Variants in PCDH9 observed in about 807,000 individuals in gnomAD.
The protein encoded by PCDH9 is protocadherin 9.
A neutral mutation model predicts 70.6 loss-of-function variants in PCDH9; 24 were observed. The observed-to-expected ratio is 0.34, with a 90% CI of 0.25 to 0.48. PCDH9 has a LOEUF of 0.48. Among genes scored for constraint, PCDH9 ranks in the 20% least tolerant of loss-of-function variants. PCDH9 has a pLI of 0.99. For synonymous variants in PCDH9, 562 were observed against 558.5 expected, an observed-to-expected ratio of 1.01 and a Z score of -0.09; for missense variants, 1,281 against 1,503.6, an observed-to-expected ratio of 0.85 and a Z score of 2.45.
intron 4 of PCDH9, among the ~76,000 whole-genome samples, chr13:66,401,931 G>A (rs1411326415): frequency 6.6e-6 from 1 of 152,134 alleles, no homozygotes; most frequent in Non-Finnish European, 1.5e-5. Flanking sequence ...CCCAACAGGT[G>A]ACTAAACAGT....
At chr13:66,499,838 G>C (rs1327476083) in intron 4 of PCDH9, among the ~76,000 whole-genome samples, 3 of 152,184 alleles carry the variant, frequency 2.0e-5, no homozygotes, top group African/African-American at 7.2e-5. Flanking sequence ...CAGGTAATGA[G>C]TGAGTTCTAT....
At chr13:67,029,370 A>T (rs1204197104) in intron 2 of PCDH9, among the ~76,000 whole-genome samples, 1 of 152,304 alleles carries the variant, frequency 6.6e-6, no homozygotes, top group East Asian at 1.9e-4. Flanking sequence ...CACTCTTTCT[A>T]ATTTTCTAGC....
intron 3 of PCDH9, among the ~76,000 whole-genome samples, chr13:66,817,452 C>T (rs1314371223): frequency 6.6e-6 from 1 of 151,984 alleles, no homozygotes; most frequent in Non-Finnish European, 1.5e-5. Flanking sequence ...GCATGTCTTA[C>T]AATACTCATA....
chr13:66,407,021 C>T (rs1029549127), intron 4 of PCDH9, among the ~76,000 whole-genome samples: 6 of 152,094 alleles, frequency 3.9e-5, no homozygotes, highest in African/African-American at 1.4e-4. Flanking sequence ...CTTAGCAAAA[C>T]AAGGTTTATG....
chr13:66,928,552 T>C (rs1489289641), intron 2 of PCDH9, among the ~76,000 whole-genome samples: 7 of 152,042 alleles, frequency 4.6e-5, no homozygotes, highest in African/African-American at 1.7e-4. Context: ...AGTGCAGCAG[T>C]GTTTAGAGAT....
At chr13:66,450,297 C>T (rs1329439031) in intron 4 of PCDH9, among the ~76,000 whole-genome samples, 1 of 152,088 alleles carries the variant, frequency 6.6e-6, no homozygotes, top group Non-Finnish European at 1.5e-5. Context: ...ATACAATATG[C>T]TCTAAGATTT....
chr13:66,384,292 G>A (rs990011767), intron 4 of PCDH9, among the ~76,000 whole-genome samples: 4 of 152,052 alleles, frequency 2.6e-5, no homozygotes, highest in African/African-American at 4.8e-5. Flanking sequence ...TTAGAAGACT[G>A]TATGATGAAA....
chr13:66,667,329 T>C (rs2078109703), intron 3 of PCDH9, among the ~76,000 whole-genome samples: 2 of 152,224 alleles, frequency 1.3e-5, no homozygotes, highest in Non-Finnish European at 2.9e-5. Context: ...AGTCTCGTTA[T>C]TTCTAAACAT....
intron 4 of PCDH9, among the ~76,000 whole-genome samples, chr13:66,385,988 G>A (rs1395642137): frequency 1.4e-5 from 2 of 146,986 alleles, no homozygotes; most frequent in Non-Finnish European, 3.0e-5. Flanking sequence ...TTTAAGAAAC[G>A]TATCTGATAA....
intron 4 of PCDH9, among the ~76,000 whole-genome samples, chr13:66,587,195 G>A (rs2076974518): frequency 6.6e-6 from 1 of 151,988 alleles, no homozygotes; most frequent in African/African-American, 2.4e-5. Context: ...CTACTCAGGA[G>A]ACTGAAGTAA....
At chr13:66,407,944 T>A (rs1765081401) in intron 4 of PCDH9, among the ~76,000 whole-genome samples, 1 of 152,170 alleles carries the variant, frequency 6.6e-6, no homozygotes, top group Non-Finnish European at 1.5e-5. Context: ...ATAAGTCAGG[T>A]TCACTAGAAT....
chr13:66,888,155 C>A (rs1227868954), intron 3 of PCDH9, among the ~76,000 whole-genome samples: 2 of 152,208 alleles, frequency 1.3e-5, no homozygotes, highest in East Asian at 3.9e-4. Context: ...TTGCCATTCT[C>A]ATCAACTATA....
rs182778053 is a variant in PCDH9, at chr13:67,171,322, T to A, written c.3036+54083A>T. Reference sequence around the variant, plus strand: ...TCGGGGTAGAATTTCAGGGTAACAGTTGACTTTTCCAGTTCAGGGTGGCAT... The same window carrying A: ...TCGGGGTAGAATTTCAGGGTAACAGATGACTTTTCCAGTTCAGGGTGGCAT... On this transcript the variant is annotated intron_variant, in intron 2 of 4. Transcript: ENST00000377865. Among the ~76,000 whole-genome samples the A allele has an allele frequency of 3.2e-3, 491 of 152,278 alleles. 2 individuals are homozygous for A. The highest frequency in any genetic ancestry group is 3.3e-3 in the Non-Finnish European group (227 of 68,022).
intron 3 of PCDH9, among the ~76,000 whole-genome samples, chr13:66,658,756 A>G (rs2077966241): frequency 6.6e-6 from 1 of 152,164 alleles, no homozygotes; most frequent in Non-Finnish European, 1.5e-5. Context: ...GATACTTTGT[A>G]CTTTGCAATC....
At chr13:66,506,885 T>C (rs1959224090) in intron 4 of PCDH9, among the ~76,000 whole-genome samples, 1 of 152,260 alleles carries the variant, frequency 6.6e-6, no homozygotes, top group Non-Finnish European at 1.5e-5. Context: ...TGCCTTGCTT[T>C]ATAACACCAG....
chr13:66,760,473 CT>C (rs2139247546), intron 3 of PCDH9, among the ~76,000 whole-genome samples: 1 of 152,220 alleles, frequency 6.6e-6, no homozygotes, highest in African/African-American at 2.4e-5. Flanking sequence ...CAAATTAATA[CT>C]TTTATAATTT....
chr13:66,416,132 G>A (rs965228862), intron 4 of PCDH9, among the ~76,000 whole-genome samples: 2 of 152,118 alleles, frequency 1.3e-5, no homozygotes, highest in Non-Finnish European at 2.9e-5. Context: ...ATGGGTAGAG[G>A]AGAAGGGAAT....
chr13:66,726,728 T>A (rs1169652936), intron 3 of PCDH9, among the ~76,000 whole-genome samples: 1 of 152,198 alleles, frequency 6.6e-6, no homozygotes, highest in Non-Finnish European at 1.5e-5. Flanking sequence ...CATGTTGGTA[T>A]CCAATGTCTT....
At chr13:66,694,022 G>T (rs1254097665) in intron 3 of PCDH9, among the ~76,000 whole-genome samples, 1 of 152,202 alleles carries the variant, frequency 6.6e-6, no homozygotes, top group African/African-American at 2.4e-5. Context: ...TAGCATATAG[G>T]ATACTCCCAT....
Sources: gnomAD v4.1 joint callset for allele counts (sites outside exome capture counted in the v4.1 genomes callset) on GRCh38, gnomAD v4.1.1 for gene constraint, MANE v1.5 for transcripts, NCBI Gene and HGNC (gene_info 2026-07-23, HGNC 2026-07-21) for gene names.